Variants in PGGHG observed in about 807,000 individuals in gnomAD.
PGGHG encodes protein-glucosylgalactosylhydroxylysine glucosidase.
PGGHG carries 67 observed loss-of-function variants against 74.5 expected under a neutral mutation model. The observed-to-expected ratio is 0.90, with a 90% CI of 0.74 to 1.10. PGGHG has a LOEUF of 1.10. Ranked by LOEUF, PGGHG falls within the 50% of genes least tolerant of loss-of-function variation. The pLI, the probability that PGGHG is intolerant of heterozygous loss-of-function variation, is 0.00. For synonymous variants in PGGHG, 496 were observed against 419.9 expected, an observed-to-expected ratio of 1.18 and a Z score of -2.21; for missense variants, 1,034 against 981.5, an observed-to-expected ratio of 1.05 and a Z score of -0.72.
rs1378710306 is a variant in PGGHG, at chr11:296,069, CAG to C, written c.*1323_*1324del. Reference sequence around the variant, plus strand: ...CACACCTGCGGCCGAGACCAGCACTCAGAGGTCGGCTCCCCTGACAGGAACCG... The same window carrying C: ...CACACCTGCGGCCGAGACCAGCACTCAGGTCGGCTCCCCTGACAGGAACCG... On this transcript the variant is annotated 3_prime_UTR_variant, in exon 14 of 14. Transcript: ENST00000409548. 1 of 152,318 alleles carries C rather than the reference CAG, an allele frequency of 6.6e-6. No individual in the cohort carries two copies. Among genetic ancestry groups the C allele is most frequent in the Non-Finnish European group, 1.5e-5 (1 of 68,080 alleles). The allele number at this position is 152,318 out of a possible 1,614,324, so 9.4% of individuals were successfully genotyped here. A position where few individuals can be genotyped will look rare whatever the true frequency, so the allele number is the denominator to read the frequency against.
Position 289,319 on chromosome 11 carries a change from T to G in PGGHG, c.-14+80T>G, listed in dbSNP as rs1590279947. The G allele has an allele frequency of 1.6e-4, 1 of 6,246 alleles. No homozygotes were observed. Among genetic ancestry groups the G allele is most frequent in the African/African-American group, 6.3e-4 (1 of 1,588 alleles). The allele number at this position is 6,246 out of a possible 1,614,324, so 0.4% of individuals were successfully genotyped here. ...CAGCCCCCGGTCGCCCCATCCTCCCTCCCCCACCCGCGCCTGCCCCAGCCG... is the reference window on the plus strand; with the variant it reads ...CAGCCCCCGGTCGCCCCATCCTCCCGCCCCCACCCGCGCCTGCCCCAGCCG... On this transcript the variant is annotated intron_variant, in intron 1 of 13. Transcript: ENST00000409548. The surrounding 1 kb of genome is among the most constrained non-coding windows in gnomAD (Gnocchi z 5.6).
At chr11:293,974 G>A (rs750965190) in intron 11 of PGGHG, 49 bp downstream of exon 11, 4 of 1,596,852 alleles carry the variant, frequency 2.5e-6, no homozygotes, top group Non-Finnish European at 3.4e-6. Flanking sequence ...TGGTGGGAGT[G>A]GAGCCCAGCC....
rs1449479997 is a variant in PGGHG, at chr11:295,564, CA to C, written c.*816del. On this transcript the variant is annotated 3_prime_UTR_variant, in exon 14 of 14. Coordinates refer to ENST00000409548, the MANE Select transcript of PGGHG (RefSeq NM_025092.5). ...CTCAGCCCCAGGGTTCGGTCGTCAG[CA>C]GTTTCCCAAGAACAAGATGTGATGG... The C allele has an allele frequency of 1.3e-5, 2 of 152,310 alleles. No individual in the cohort carries two copies. The highest frequency in any genetic ancestry group is 4.8e-5 in the African/African-American group (2 of 41,470). The allele number at this position is 152,310 out of a possible 1,614,324, so 9.4% of individuals were successfully genotyped here.
chr11:294,578 C>T lies in PGGHG; in HGVS notation c.2043C>T (p.Arg681=), dbSNP rs768544209. The T allele has an allele frequency of 5.6e-6, 9 of 1,611,004 alleles. No individual in the cohort carries two copies. Among genetic ancestry groups the T allele is most frequent in the East Asian group, 2.2e-5 (1 of 44,854 alleles). ...CAGGACACAAGGTCTCCTTTCCCCG[C>T]TCGGCTGGCCGGATACAAATGTCAC... ...LLPGHKVSFP[R]SAGRIQMSPP... is the part of the protein sequence containing the mutation. Residue 681 remains arginine, a synonymous_variant, in exon 14 of 14, where the codon CGC becomes CGT. Coordinates refer to ENST00000409548, the MANE Select transcript of PGGHG (RefSeq NM_025092.5).
At chr11:294,016 A>G in intron 11 of PGGHG, 83 bp from the exon 12 acceptor site, 1 of 1,576,972 alleles carries the variant, frequency 6.3e-7, no homozygotes, top group Non-Finnish European at 8.6e-7. Flanking sequence ...GCACCCCTGG[A>G]GCTTCCTGCC....
At position 290,924 on chromosome 11, in the gene PGGHG, G is replaced by A. The variant is rs1845699826; in HGVS notation, c.717G>A (p.Trp239Ter). The change falls in exon 4 of 14, where the codon TGG (tryptophan) becomes TGA (stop). Residue 239 changes from tryptophan (W) to a stop codon, truncating the protein, a stop_gained. Coordinates refer to ENST00000409548, the MANE Select transcript of PGGHG (RefSeq NM_025092.5). LOFTEE classifies it high-confidence loss of function. ...TAHAQAWAQL[W>*]VECGLDVVGP... is the part of the protein sequence containing the mutation. ...ACGCACAGGCCTGGGCCCAGCTCTG[G>A]GTAGAATGTGGCTTGGACGTGGTGG... 6.2e-7 allele frequency: 1 copy of A among 1,612,448 alleles called. No homozygotes were observed.
chr11:290,977 G>T lies in PGGHG; in HGVS notation c.770G>T (p.Arg257Leu). Residue 257 changes from arginine to leucine, a missense_variant, in exon 4 of 14, where the codon CGT (arginine) becomes CTT (leucine). By Grantham distance (102) the Arg-to-Leu change is moderately radical. Transcript: ENST00000409548. ...VGPLQLRQAL[R>L]GSLYYLLSAL... ...CCCCTGCAGCTGCGCCAGGCCCTGC[G>T]TGGCTCCCTCTACTACCTGCTCAGT... 1 of 1,612,772 alleles carries T rather than the reference G, an allele frequency of 6.2e-7. No homozygotes were observed.
rs1420898621 is a variant in PGGHG at position 295,356 on chromosome 11, TCTTCCCTCAGCCACGCCG to T, written c.*611_*628del. ...GCTACAGCGTGGGGTGGGATGGCTC[TCTTCCCTCAGCCACGCCG>T]CTTGTGAGGACAGAGGTGGGGGAGT... On this transcript the variant is annotated 3_prime_UTR_variant, in exon 14 of 14. Coordinates refer to ENST00000409548, the MANE Select transcript of PGGHG (RefSeq NM_025092.5). The T allele has an allele frequency of 6.6e-6, 1 of 152,332 alleles. No homozygotes were observed. The highest frequency in any genetic ancestry group is 2.4e-5 in the African/African-American group (1 of 41,464). The allele number at this position is 152,332 out of a possible 1,614,324, so 9.4% of individuals were successfully genotyped here.
intron 6 of PGGHG, 66 bp downstream of exon 6, chr11:292,743 C>G: frequency 6.2e-7 from 1 of 1,609,768 alleles, no homozygotes; most frequent in Non-Finnish European, 8.5e-7. Context: ...CCCCACTCCT[C>G]GTGGCTTCCT....
chr11:294,632 C>T lies in PGGHG; in HGVS notation c.2097C>T (p.Ser699=), dbSNP rs200720355. The T allele has an allele frequency of 1.1e-4, 162 of 1,525,820 alleles. No individual in the cohort carries two copies. In the Admixed American group the frequency reaches 1.1e-3, roughly 11 times the overall value. 94.5% of individuals were successfully genotyped at this position (1,525,820 alleles called of 1,614,324 possible). A position where few individuals can be genotyped will look rare whatever the true frequency, so the allele number is the denominator to read the frequency against. The change falls in exon 14 of 14, where the codon TCC becomes TCT. Residue 699 remains serine (S), a synonymous_variant. Transcript: ENST00000409548. ...SPPKLPGSSS[S]EFPGRTFSDV... ...CGAAGCTGCCTGGAAGTTCCAGCTC[C>T]GAGTTCCCTGGGAGGACTTTTTCAG...
rs950465266 is a variant in PGGHG, at chr11:294,280, G to T, written c.1822G>T (p.Gly608Cys). ...GCTGFRVTRA[G>C]VTFDPVCLSG... is the part of the protein sequence containing the mutation. ...CTCCTCCCACAGGGTCACCCGAGCG[G>T]GTGTGACCTTTGACCCTGTGTGTCT... The change falls in exon 13 of 14, where the codon GGT becomes TGT. Residue 608 changes from glycine (G) to cysteine (C), a missense_variant. Coordinates refer to ENST00000409548, the MANE Select transcript of PGGHG (RefSeq NM_025092.5). The T allele has an allele frequency of 1.9e-6, 3 of 1,608,638 alleles. No individual in the cohort carries two copies. Among genetic ancestry groups the T allele is most frequent in the African/African-American group, 2.7e-5 (2 of 74,856 alleles).
chr11:293,411 C>G lies in PGGHG; in HGVS notation c.1389C>G (p.Ile463Met). 6.2e-7 allele frequency: 1 copy of G among 1,612,744 alleles called. No homozygotes were observed. The highest frequency in any genetic ancestry group is 8.5e-7 in the Non-Finnish European group (1 of 1,179,982). The change falls in exon 9 of 14, where the codon ATC (isoleucine) becomes ATG (methionine). Residue 463 changes from isoleucine to methionine, a missense_variant. Coordinates refer to ENST00000409548, the MANE Select transcript of PGGHG (RefSeq NM_025092.5). Reference sequence around the variant, plus strand: ...TGGCCCAGGACCTGGGTCTTCCCATCCCCAGCCAGTGGCTGGCGGTGGCTG... The same window carrying G: ...TGGCCCAGGACCTGGGTCTTCCCATGCCCAGCCAGTGGCTGGCGGTGGCTG... ...AALAQDLGLP[I>M]PSQWLAVADK...
Position 293,472 on chromosome 11 carries a change from T to C in PGGHG, c.1450T>C (p.Phe484Leu). ...IKVPFDVEQN[F>L]HPEFDGYEPG... is the part of the protein sequence containing the mutation. ...GGTACCCTTTGACGTGGAGCAGAAC[T>C]TCCACCCGGAGTTCGATGGGTATGA... Residue 484 changes from phenylalanine (F) to leucine (L), a missense_variant, in exon 9 of 14, where the codon TTC becomes CTC. Coordinates refer to ENST00000409548, the MANE Select transcript of PGGHG (RefSeq NM_025092.5). 6.2e-7 allele frequency: 1 copy of C among 1,611,748 alleles called. No homozygotes were observed. Among genetic ancestry groups the C allele is most frequent in the Non-Finnish European group, 8.5e-7 (1 of 1,179,988 alleles).
chr11:292,500 C>T (rs553903453), intron 5 of PGGHG, 46 bp from the exon 6 acceptor site: 8 of 1,599,354 alleles, frequency 5.0e-6, no homozygotes, highest in South Asian at 2.2e-5. Flanking sequence ...GGGGGGCCAC[C>T]GCTCCCCTCC....
At position 293,885 on chromosome 11, in the gene PGGHG, T is replaced by A. The variant is rs1564842420; in HGVS notation, c.1670T>A (p.Leu557His). Reference sequence around the variant, plus strand: ...AAGGACGCAGTGCGGGCCCGGGGCCTCCTGGACAGGAGCTTTGCCAACATG... The same window carrying A: ...AAGGACGCAGTGCGGGCCCGGGGCCACCTGGACAGGAGCTTTGCCAACATG... ...ELKDAVRARG[L>H]LDRSFANMAE... Residue 557 changes from leucine (L) to histidine (H), a missense_variant, in exon 11 of 14, where the codon CTC becomes CAC. Leu to His is a moderately conservative substitution (Grantham distance 99, BLOSUM62 -3). Transcript: ENST00000409548. 1 of 1,613,532 alleles carries A rather than the reference T, an allele frequency of 6.2e-7. No individual in the cohort carries two copies. Among genetic ancestry groups the A allele is most frequent in the Non-Finnish European group, 8.5e-7 (1 of 1,179,940 alleles).
At position 293,160 on chromosome 11, in the gene PGGHG, C is replaced by T; in HGVS notation, c.1271-3C>T. 1 of 1,613,868 alleles carries T rather than the reference C, an allele frequency of 6.2e-7. No individual in the cohort carries two copies. Among genetic ancestry groups the T allele is most frequent in the Non-Finnish European group, 8.5e-7 (1 of 1,179,998 alleles). ...GAGCACCATCTTGGACTTGTGTGTC[C>T]AGGAGTCATGTCCCCCGACGAGTAC... On this transcript the variant is annotated splice_polypyrimidine_tract_variant and splice_region_variant and intron_variant, in intron 7 of 13. Coordinates refer to ENST00000409548, the MANE Select transcript of PGGHG (RefSeq NM_025092.5).
chr11:292,045 A>G lies in PGGHG; in HGVS notation c.976A>G (p.Ile326Val). The part of the protein sequence containing the change: ...EAARAILEYR[I>V]RTLDGALENA... ...CGCCAGGGCCATCCTGGAGTACCGC[A>G]TCCGCACGCTGGACGGGGCCCTGGA... is the stretch of plus-strand genomic sequence containing the variant. Residue 326 changes from isoleucine to valine, a missense_variant, in exon 5 of 14, where the codon ATC becomes GTC. Transcript: ENST00000409548. 1 of 1,599,960 alleles carries G rather than the reference A, an allele frequency of 6.3e-7. No individual in the cohort carries two copies. Among genetic ancestry groups the G allele is most frequent in the Non-Finnish European group, 8.5e-7 (1 of 1,173,582 alleles).
At chr11:293,554 TG>T (rs1845790520) in intron 9 of PGGHG, 39 bp from the exon 10 acceptor site, 1 of 1,612,834 alleles carries the variant, frequency 6.2e-7, no homozygotes, top group Non-Finnish European at 8.5e-7. Context: ...CCCTCGAGTC[TG>T]TCCTGGAACA....
In PGGHG at chr11:293,957, C is replaced by T. The variant is rs542275597; in HGVS notation, c.1710+32C>T. 23 of 1,601,842 alleles carry T rather than the reference C, an allele frequency of 1.4e-5. No homozygotes were observed. The South Asian group carries it at 1.6e-4, about 11-fold the overall frequency. On this transcript the variant is annotated intron_variant, in intron 11 of 13. Transcript: ENST00000409548. Reference sequence around the variant, plus strand: ...CTGGCCACACCTGCCTCCCACTGGGCCCCTTGTGGTGGGAGTGGAGCCCAG... The same window carrying T: ...CTGGCCACACCTGCCTCCCACTGGGTCCCTTGTGGTGGGAGTGGAGCCCAG...
Sources: allele counts gnomAD v4.1 joint callset, GRCh38; gene constraint gnomAD v4.1.1; non-coding constraint Gnocchi (gnomAD v3.1); transcripts MANE v1.5; gene names NCBI Gene and HGNC (gene_info 2026-07-23, HGNC 2026-07-21).